Variants in AGBL4 observed in about 807,000 individuals in gnomAD.
The protein encoded by AGBL4 is cytosolic carboxypeptidase 6.
In AGBL4, 58 loss-of-function variants were observed where a neutral mutation model predicts 66.4. The observed-to-expected ratio is 0.87, with a 90% CI of 0.71 to 1.09. The LOEUF (loss-of-function observed/expected upper bound fraction) is 1.09. AGBL4 is among the 50% of genes least tolerant of loss of function. The pLI, the probability that AGBL4 is intolerant of heterozygous loss-of-function variation, is 0.00. For synonymous variants in AGBL4, 234 were observed against 222.9 expected (o/e 1.05, Z -0.44); for missense variants, 579 against 631.0 (o/e 0.92, Z 0.88).
Position 48,931,264 on chromosome 1 carries a change from CAA to C in AGBL4, c.595-64036_595-64035del, listed in dbSNP as rs551154415. Among the ~76,000 whole-genome samples the C allele has an allele frequency of 8.5e-5, 13 of 152,176 alleles. No homozygotes were observed. The East Asian group carries it at 2.1e-3, about 25-fold the overall frequency. On this transcript the variant is annotated intron_variant, in intron 5 of 13. Transcript: ENST00000371839. ...ATGAGGTGCCATGTTTAAAGATTTGCAAAGTTGGTAGGCAACAACATGACAGG... is the reference window on the plus strand; with the variant it reads ...ATGAGGTGCCATGTTTAAAGATTTGCAGTTGGTAGGCAACAACATGACAGG...
chr1:48,551,734 G>C (rs1644251776), intron 11 of AGBL4, among the ~76,000 whole-genome samples: 1 of 151,974 alleles, frequency 6.6e-6, no homozygotes, highest in African/African-American at 2.4e-5. Flanking sequence ...CTGTAAAATT[G>C]GCGGGCAGTT....
intron 6 of AGBL4, among the ~76,000 whole-genome samples, chr1:48,865,851 G>A (rs982592896): frequency 2.6e-5 from 4 of 152,052 alleles, no homozygotes; most frequent in African/African-American, 9.7e-5. Context: ...AAACTGTATC[G>A]GACATAGATA....
intron 3 of AGBL4, among the ~76,000 whole-genome samples, chr1:49,298,899 CA>C (rs1238976041): frequency 6.6e-6 from 1 of 152,086 alleles, no homozygotes; most frequent in Non-Finnish European, 1.5e-5. Flanking sequence ...GCAATCTAGC[CA>C]CTCGTATGTG....
At chr1:49,402,731 C>T (rs1274487350) in intron 3 of AGBL4, among the ~76,000 whole-genome samples, 1 of 152,082 alleles carries the variant, frequency 6.6e-6, no homozygotes, top group East Asian at 1.9e-4. Context: ...CCACATCTGG[C>T]TAATTTTGTA....
chr1:49,807,258 G>A (rs896291511), intron 2 of AGBL4, among the ~76,000 whole-genome samples: 2 of 152,186 alleles, frequency 1.3e-5, no homozygotes, highest in African/African-American at 4.8e-5. Context: ...GCTGCAAAGC[G>A]ATTAGGGCAG....
intron 4 of AGBL4, among the ~76,000 whole-genome samples, chr1:49,245,406 C>G (rs1651561537): frequency 1.3e-5 from 2 of 150,970 alleles, no homozygotes; most frequent in South Asian, 4.2e-4. Flanking sequence ...AAAAAAGAAC[C>G]AACTTTATTT....
intron 5 of AGBL4, among the ~76,000 whole-genome samples, chr1:49,025,941 T>G (rs373572957): frequency 6.6e-6 from 1 of 152,168 alleles, no homozygotes; most frequent in South Asian, 2.1e-4. Context: ...TTTTTCAACT[T>G]TATTGAAGCA....
At chr1:48,666,133 T>C (rs1417589896) in intron 6 of AGBL4, among the ~76,000 whole-genome samples, 2 of 152,224 alleles carry the variant, frequency 1.3e-5, no homozygotes, top group African/African-American at 4.8e-5. Flanking sequence ...TAATCATCTT[T>C]AGGCAAAATG....
intron 7 of AGBL4, among the ~76,000 whole-genome samples, chr1:48,659,069 T>A (rs891140026): frequency 6.6e-6 from 1 of 152,144 alleles, no homozygotes; most frequent in Non-Finnish European, 1.5e-5. Context: ...TGACATCCAG[T>A]GAATCCCTGG....
At chr1:49,258,344 G>A (rs1003765908) in intron 3 of AGBL4, among the ~76,000 whole-genome samples, 12 of 152,154 alleles carry the variant, frequency 7.9e-5, no homozygotes, top group Admixed American at 3.3e-4. Flanking sequence ...GGCTTCAGAC[G>A]ATCAAACTAC....
At chr1:48,909,192 A>G (rs1652873955) in intron 5 of AGBL4, among the ~76,000 whole-genome samples, 2 of 152,186 alleles carry the variant, frequency 1.3e-5, no homozygotes, top group African/African-American at 4.8e-5. Flanking sequence ...GATAGTTGGG[A>G]GTGTCCAGAA....
intron 3 of AGBL4, among the ~76,000 whole-genome samples, chr1:49,285,745 CT>C (rs1644389916): frequency 6.6e-6 from 1 of 152,174 alleles, no homozygotes; most frequent in African/African-American, 2.4e-5. Flanking sequence ...ACAAACACCT[CT>C]ACGCAAATAA....
chr1:48,946,028 A>G (rs948185637), intron 5 of AGBL4, among the ~76,000 whole-genome samples: 3 of 152,086 alleles, frequency 2.0e-5, no homozygotes, highest in Non-Finnish European at 2.9e-5. Flanking sequence ...CTTCCTCTGA[A>G]CTTCTGTTCA....
chr1:49,395,454 G>A (rs1283912162), intron 3 of AGBL4, among the ~76,000 whole-genome samples: 3 of 150,862 alleles, frequency 2.0e-5, no homozygotes, highest in African/African-American at 7.3e-5. Context: ...ATAAAAATAG[G>A]AAAAAGGAAA....
intron 4 of AGBL4, among the ~76,000 whole-genome samples, chr1:49,164,699 A>G (rs964368179): frequency 6.6e-6 from 1 of 152,096 alleles, no homozygotes; most frequent in Non-Finnish European, 1.5e-5. Context: ...CCTGGGATTT[A>G]TTTTGTCATC....
chr1:49,857,118 T>A (rs1011685457), intron 1 of AGBL4, among the ~76,000 whole-genome samples: 10 of 151,574 alleles, frequency 6.6e-5, no homozygotes, highest in African/African-American at 2.4e-4. Context: ...AAGAAGTCAA[T>A]CCCACTTACA....
chr1:49,198,706 T>C (rs898405796), intron 4 of AGBL4, among the ~76,000 whole-genome samples: 1 of 152,112 alleles, frequency 6.6e-6, no homozygotes, highest in African/African-American at 2.4e-5. Context: ...AAGCATTGTT[T>C]GCCATATCAC....
chr1:49,236,089 G>C (rs1487326324), intron 4 of AGBL4, among the ~76,000 whole-genome samples: 9 of 151,934 alleles, frequency 5.9e-5, no homozygotes. Flanking sequence ...GAGTGCAGTG[G>C]CACGATCTTG....
intron 3 of AGBL4, among the ~76,000 whole-genome samples, chr1:49,540,720 T>C (rs1168186530): frequency 6.6e-6 from 1 of 152,232 alleles, no homozygotes. Context: ...TATAGAAAGA[T>C]ATTGAATCAC....
Sources: gnomAD v4.1 joint callset for allele counts (sites outside exome capture counted in the v4.1 genomes callset) on GRCh38, gnomAD v4.1.1 for gene constraint, MANE v1.5 for transcripts, NCBI Gene and HGNC (gene_info 2026-07-23, HGNC 2026-07-21) for gene names.